The following TDRD3 variants were observed in gnomAD, a reference collection of about 807,000 sequenced individuals.
The protein encoded by TDRD3 is tudor domain-containing protein 3.
A neutral mutation model predicts 86.7 loss-of-function variants in TDRD3; 45 were observed. The ratio of observed to expected loss-of-function variants is 0.52; its 90% CI spans 0.41 to 0.67. TDRD3 has a LOEUF of 0.67. TDRD3 is among the 30% of genes least tolerant of loss of function. The pLI is 0.00. For missense variants in TDRD3, 814 were observed against 889.0 expected (o/e 0.92, Z 1.07); for synonymous variants, 298 against 301.7 (o/e 0.99, Z 0.13).
At chr13:60,501,190 G>A (rs73208080) in intron 8 of TDRD3, among the ~76,000 whole-genome samples, 5 of 152,124 alleles carry the variant, frequency 3.3e-5, no homozygotes, top group Non-Finnish European at 7.3e-5. Context: ...CATTCCCCCC[G>A]CTGGAGTGGT....
At chr13:60,396,418 G>A (rs1355026455), upstream of TDRD3, 1 of 152,246 alleles carries the variant, frequency 6.6e-6, no homozygotes, top group African/African-American at 2.4e-5. Flanking sequence ...AGCGTCCGCC[G>A]TGCCGCTGGG....
intron 12 of TDRD3, among the ~76,000 whole-genome samples, chr13:60,565,868 A>T (rs1958448076): frequency 1.3e-5 from 2 of 152,172 alleles, no homozygotes; most frequent in Admixed American, 1.3e-4. Context: ...TCTTTCCTGA[A>T]TACTTTTATG....
intron 1 of TDRD3, among the ~76,000 whole-genome samples, chr13:60,404,236 GA>G (rs143883870): frequency 0.19 from 29,409 of 151,434 alleles, 3,489 homozygotes; most frequent in South Asian, 0.29. Flanking sequence ...TTTGGCTAAG[GA>G]AAAAACAAGG....
At chr13:60,405,880 TAGAG>T (rs935856505) in intron 1 of TDRD3, among the ~76,000 whole-genome samples, 1 of 152,142 alleles carries the variant, frequency 6.6e-6, no homozygotes, top group African/African-American at 2.4e-5. Flanking sequence ...ATGGTTGAGA[TAGAG>T]AGCAGCAGAT....
chr13:60,433,557 T>C (rs565403065), intron 1 of TDRD3, among the ~76,000 whole-genome samples: 1 of 152,318 alleles, frequency 6.6e-6, no homozygotes, highest in South Asian at 2.1e-4. Flanking sequence ...CTATCTGAGG[T>C]ACACTTACGG....
At chr13:60,489,341 A>G (rs1156758643) in intron 7 of TDRD3, among the ~76,000 whole-genome samples, 1 of 152,204 alleles carries the variant, frequency 6.6e-6, no homozygotes, top group Non-Finnish European at 1.5e-5. Flanking sequence ...TCCTTTATTC[A>G]AAACCTGTAA....
intron 1 of TDRD3, among the ~76,000 whole-genome samples, chr13:60,407,236 G>T (rs950170228): frequency 1.3e-5 from 2 of 152,134 alleles, no homozygotes; most frequent in Admixed American, 6.5e-5. Context: ...TCATATTTTT[G>T]TAGTATTCCA....
intron 5 of TDRD3, among the ~76,000 whole-genome samples, chr13:60,473,222 G>T (rs1956108015): frequency 6.6e-6 from 1 of 152,140 alleles, no homozygotes; most frequent in African/African-American, 2.4e-5. Flanking sequence ...CTTTCATCAG[G>T]ATCCCACTCC....
At chr13:60,534,263 T>C (rs1293161375) in intron 11 of TDRD3, among the ~76,000 whole-genome samples, 2 of 152,112 alleles carry the variant, frequency 1.3e-5, no homozygotes, top group Non-Finnish European at 2.9e-5. Context: ...CAGTGAGCTA[T>C]GATCACACCA....
chr13:60,461,267 T>C (rs554653918), intron 4 of TDRD3, among the ~76,000 whole-genome samples: 12 of 152,272 alleles, frequency 7.9e-5, no homozygotes, highest in Middle Eastern at 3.4e-3. Context: ...TAGGAAATGA[T>C]TGAAGTCAGG....
chr13:60,564,875 G>T (rs1958413710), intron 12 of TDRD3, among the ~76,000 whole-genome samples: 1 of 152,012 alleles, frequency 6.6e-6, no homozygotes, highest in Non-Finnish European at 1.5e-5. Flanking sequence ...AAAGAGGAAA[G>T]AAGTACCCAT....
At chr13:60,501,951 A>G (rs368640420) in intron 8 of TDRD3, among the ~76,000 whole-genome samples, 15 of 152,326 alleles carry the variant, frequency 9.8e-5, no homozygotes, top group African/African-American at 2.4e-4. Context: ...ACAAAATACT[A>G]TAGCAATGGA....
chr13:60,443,670 A>G (rs915783272), intron 2 of TDRD3, among the ~76,000 whole-genome samples: 2 of 151,902 alleles, frequency 1.3e-5, no homozygotes, highest in African/African-American at 4.8e-5. Context: ...AGTAATTTTA[A>G]TCATCTAGTG....
intron 8 of TDRD3, among the ~76,000 whole-genome samples, chr13:60,507,660 A>G (rs1270190048): frequency 2.6e-5 from 4 of 152,226 alleles, no homozygotes; most frequent in Admixed American, 6.5e-5. Context: ...GACAAAAAAT[A>G]CCAGAATCTC....
rs1020499083 is a variant in TDRD3 at position 60,439,836 on chromosome 13, C to T, written c.126+64C>T. 7.5e-6 allele frequency: 9 copies of T among 1,194,876 alleles called. No homozygotes were observed. The African/African-American group carries it at 1.4e-4, about 19-fold the overall frequency. 74.0% of individuals were successfully genotyped at this position (1,194,876 alleles called of 1,614,324 possible). A position where few individuals can be genotyped will look rare whatever the true frequency, so the allele number is the denominator to read the frequency against. On this transcript the variant is annotated intron_variant, in intron 2 of 13. Coordinates refer to ENST00000377881, the MANE Select transcript of TDRD3 (RefSeq NM_001146070.2). Reference sequence around the variant, plus strand: ...GGAAGCTGTATTCATAAAAAAGTCTCAGAGTAAATTGGGTTATATGATAAC... The same window carrying T: ...GGAAGCTGTATTCATAAAAAAGTCTTAGAGTAAATTGGGTTATATGATAAC...
intron 1 of TDRD3, among the ~76,000 whole-genome samples, chr13:60,436,408 C>T (rs1172586395): frequency 6.6e-6 from 1 of 152,062 alleles, no homozygotes; most frequent in Non-Finnish European, 1.5e-5. Context: ...GATTTCAGGT[C>T]TTAGATTTAA....
At chr13:60,501,472 A>G (rs4886235) in intron 8 of TDRD3, among the ~76,000 whole-genome samples, 71,183 of 152,092 alleles carry the variant, frequency 0.47, 17,029 homozygotes, top group South Asian at 0.55. Flanking sequence ...TGGGATAAGT[A>G]GCATTGGATT....
chr13:60,467,487 T>C (rs894570431), intron 5 of TDRD3, 108 bp downstream of exon 5: 13 of 1,186,316 alleles, frequency 1.1e-5, no homozygotes, highest in African/African-American at 1.1e-4. Flanking sequence ...CGGAGTTGAA[T>C]AGAATGGAAT....
At chr13:60,539,229 C>T (rs753846965) in intron 12 of TDRD3, among the ~76,000 whole-genome samples, 2 of 151,914 alleles carry the variant, frequency 1.3e-5, no homozygotes, top group Admixed American at 1.3e-4. Context: ...TCTTAGTTGT[C>T]GGGCACTGTT....
Sources: gnomAD v4.1 joint callset for allele counts (sites outside exome capture counted in the v4.1 genomes callset) on GRCh38, gnomAD v4.1.1 for gene constraint, MANE v1.5 for transcripts, NCBI Gene and HGNC (gene_info 2026-07-23, HGNC 2026-07-21) for gene names.